FOXP2: variants seen among roughly 807,000 people sequenced by gnomAD.
FOXP2 encodes the protein forkhead box P2.
Under a neutral mutation model 115.8 loss-of-function variants are expected in FOXP2, and 12 were observed. The observed-to-expected ratio is 0.10, with a 90% CI of 0.07 to 0.17. FOXP2 has a LOEUF of 0.17. Ranked by LOEUF, FOXP2 falls within the 10% of genes least tolerant of loss-of-function variation. The pLI, the probability that FOXP2 is intolerant of heterozygous loss-of-function variation, is 1.00. For synonymous variants in FOXP2, 328 were observed against 297.7 expected (o/e 1.10, Z -1.05); for missense variants, 629 against 843.5 (o/e 0.75, Z 3.15).
At chr7:114,489,941 G>A (rs1216619784) in intron 2 of FOXP2, among the ~76,000 whole-genome samples, 1 of 152,122 alleles carries the variant, frequency 6.6e-6, no homozygotes, top group Non-Finnish European at 1.5e-5. Flanking sequence ...ATGCTGGCAA[G>A]GATGTGGAGC....
At chr7:114,388,654 T>TA (rs1792515177) in intron 2 of FOXP2, among the ~76,000 whole-genome samples, 1 of 152,198 alleles carries the variant, frequency 6.6e-6, no homozygotes, top group Admixed American at 6.5e-5. Context: ...AATATACTGT[T>TA]AGAGAAAAAG....
chr7:114,266,110 T>G (rs1020542331), intron 1 of FOXP2, among the ~76,000 whole-genome samples: 7 of 152,094 alleles, frequency 4.6e-5, no homozygotes, highest in African/African-American at 1.7e-4. Flanking sequence ...CAGCCCAGAT[T>G]TTACTGTCCA....
intron 1 of FOXP2, among the ~76,000 whole-genome samples, chr7:114,264,595 T>C (rs1003743722): frequency 1.3e-5 from 2 of 152,248 alleles, no homozygotes; most frequent in Non-Finnish European, 2.9e-5. Context: ...ATTTGTATCT[T>C]TTAAAAATGA....
At chr7:114,596,872 C>T (rs1342186221) in intron 3 of FOXP2, among the ~76,000 whole-genome samples, 1 of 152,040 alleles carries the variant, frequency 6.6e-6, no homozygotes, top group African/African-American at 2.4e-5. Flanking sequence ...GTCCTGGCCT[C>T]ATTAGTAAAC....
At chr7:114,325,091 A>G (rs1163373561) in intron 2 of FOXP2, among the ~76,000 whole-genome samples, 2 of 151,930 alleles carry the variant, frequency 1.3e-5, no homozygotes, top group Non-Finnish European at 2.9e-5. Flanking sequence ...GGTATTCAAT[A>G]CTATTGTACA....
chr7:114,298,992 C>A (rs779895883), intron 2 of FOXP2, among the ~76,000 whole-genome samples: 2 of 152,100 alleles, frequency 1.3e-5, no homozygotes, highest in African/African-American at 2.4e-5. Flanking sequence ...TTTAGTGTTT[C>A]AGTCAACTGA....
intron 1 of FOXP2, among the ~76,000 whole-genome samples, chr7:114,238,864 C>G (rs1311746067): frequency 1.3e-5 from 2 of 151,040 alleles, no homozygotes; most frequent in African/African-American, 4.9e-5. Context: ...CTATAAATGA[C>G]TGGAAAATTT....
At chr7:114,288,774 T>A (rs1796524051) in intron 2 of FOXP2, among the ~76,000 whole-genome samples, 1 of 151,838 alleles carries the variant, frequency 6.6e-6, no homozygotes, top group Non-Finnish European at 1.5e-5. Context: ...GTAATATCAA[T>A]CAAACGGTTT....
chr7:114,422,533 T>C (rs1467689610), intron 1 of FOXP2, among the ~76,000 whole-genome samples: 1 of 151,680 alleles, frequency 6.6e-6, no homozygotes, highest in Non-Finnish European at 1.5e-5. Context: ...TATAAACATA[T>C]ATAGATACAC....
chr7:114,498,962 C>T (rs1285534020), intron 2 of FOXP2: 2 of 717,288 alleles, frequency 2.8e-6, no homozygotes, highest in African/African-American at 1.7e-5. Flanking sequence ...AAGAGCGATT[C>T]TCAAAAGTGT....
intron 3 of FOXP2, among the ~76,000 whole-genome samples, chr7:114,572,120 G>T (rs1191967396): frequency 6.6e-6 from 1 of 151,602 alleles, no homozygotes; most frequent in East Asian, 1.9e-4. Flanking sequence ...TAAAAATAGT[G>T]TCAAATTAAT....
intron 2 of FOXP2, among the ~76,000 whole-genome samples, chr7:114,303,594 A>G (rs1394171431): frequency 1.3e-5 from 2 of 152,018 alleles, no homozygotes; most frequent in Admixed American, 1.3e-4. Flanking sequence ...AATCTCTTTT[A>G]GAACCAGAGT....
At chr7:114,484,262 C>A (rs1796678420) in intron 2 of FOXP2, among the ~76,000 whole-genome samples, 1 of 151,742 alleles carries the variant, frequency 6.6e-6, no homozygotes, top group African/African-American at 2.4e-5. Context: ...CCTCAAAAAG[C>A]AAGAGAATTT....
chr7:114,356,574 G>A (rs762897945), intron 2 of FOXP2, among the ~76,000 whole-genome samples: 1 of 152,174 alleles, frequency 6.6e-6, no homozygotes, highest in African/African-American at 2.4e-5. Context: ...AACATCATCT[G>A]TGTAAGAATG....
chr7:114,100,271 C>A (rs573414129), intron 1 of FOXP2, among the ~76,000 whole-genome samples: 1 of 152,174 alleles, frequency 6.6e-6, no homozygotes, highest in South Asian at 2.1e-4. Flanking sequence ...GAAGTCTTTT[C>A]TTCACTTATT....
intron 1 of FOXP2, among the ~76,000 whole-genome samples, chr7:114,221,545 T>C (rs563324286): frequency 6.6e-6 from 1 of 152,180 alleles, no homozygotes; most frequent in Non-Finnish European, 1.5e-5. Flanking sequence ...TCTTCCTATT[T>C]TCTGTTTATC....
At chr7:114,482,600 A>G (rs1251366738) in intron 2 of FOXP2, among the ~76,000 whole-genome samples, 1 of 151,572 alleles carries the variant, frequency 6.6e-6, no homozygotes, top group Non-Finnish European at 1.5e-5. Flanking sequence ...TCTTTTGGAA[A>G]ATTTTACTGC....
intron 1 of FOXP2, among the ~76,000 whole-genome samples, chr7:114,101,309 A>T (rs1188676528): frequency 6.6e-6 from 1 of 152,200 alleles, no homozygotes; most frequent in Non-Finnish European, 1.5e-5. Flanking sequence ...TGCTAACAAG[A>T]CATGCAGAAA....
intron 2 of FOXP2, among the ~76,000 whole-genome samples, chr7:114,493,467 C>A (rs1432974212): frequency 1.3e-5 from 2 of 152,098 alleles, no homozygotes; most frequent in African/African-American, 2.4e-5. Flanking sequence ...AAACGTATCA[C>A]TCTGTGAAGA....
Sources: gnomAD v4.1 joint callset for allele counts (sites outside exome capture counted in the v4.1 genomes callset) on GRCh38, gnomAD v4.1.1 for gene constraint, MANE v1.5 for transcripts, NCBI Gene and HGNC (gene_info 2026-07-23, HGNC 2026-07-21) for gene names.